The following PLAAT1 variants were observed in gnomAD, a reference collection of about 807,000 sequenced individuals.
PLAAT1 encodes the protein phospholipase A and acyltransferase 1, also known as H-REV107 protein-related protein.
Under a neutral mutation model 16.4 loss-of-function variants are expected in PLAAT1, and 13 were observed. The observed-to-expected ratio is 0.79, with a 90% CI of 0.52 to 1.26. The LOEUF is 1.26. Among genes scored for constraint, PLAAT1 ranks in the 50% most tolerant of loss-of-function variants. The probability of loss-of-function intolerance (pLI) is 0.00; values close to 1 mark genes in which losing one functional copy is unlikely to be tolerated. For missense variants in PLAAT1, 218 were observed against 207.8 expected, an observed-to-expected ratio of 1.05 and a Z score of -0.30; for synonymous variants, 73 against 78.4, an observed-to-expected ratio of 0.93 and a Z score of 0.36.
chr3:193,279,350 A>T, downstream of PLAAT1: 1 of 1,597,820 alleles, frequency 6.3e-7, no homozygotes, highest in Non-Finnish European at 8.6e-7. Flanking sequence ...CAGATGTGCA[A>T]ATGAATGCCA....
chr3:193,276,706 T>C, intron 2 of PLAAT1: 4 of 1,403,730 alleles, frequency 2.8e-6, no homozygotes, highest in Non-Finnish European at 4.0e-6. Context: ...AATGAGATCC[T>C]TAATTTGTTT....
intron 3 of PLAAT1, among the ~76,000 whole-genome samples, chr3:193,264,622 G>A (rs1716714007): frequency 6.6e-6 from 1 of 151,920 alleles, no homozygotes; most frequent in Admixed American, 6.6e-5. Flanking sequence ...TCCTGCTTCA[G>A]CCTCCCAAGT....
intron 1 of PLAAT1, among the ~76,000 whole-genome samples, chr3:193,249,293 GA>G (rs1716103641): frequency 6.6e-6 from 1 of 151,506 alleles, no homozygotes; most frequent in South Asian, 2.1e-4. Flanking sequence ...GTTTGCCTTG[GA>G]TTCATCCTGT....
chr3:193,242,404 A>G (rs140122534), intron 1 of PLAAT1, among the ~76,000 whole-genome samples: 3,718 of 152,066 alleles, frequency 0.024, 125 homozygotes, highest in Middle Eastern at 0.068. Context: ...TGGAGGAGAG[A>G]GGGGGAGAAG....
chr3:193,251,680 T>G (rs1014713816), intron 1 of PLAAT1, among the ~76,000 whole-genome samples: 2 of 152,200 alleles, frequency 1.3e-5, no homozygotes, highest in African/African-American at 4.8e-5. Flanking sequence ...TTGGGTTCCC[T>G]TCCTGATTAT....
rs757824429 is a variant in PLAAT1, at chr3:193,255,772, T to G, written c.122T>G (p.Ile41Ser). Residue 41 changes from isoleucine to serine, a missense_variant, in exon 2 of 4, where the codon ATC becomes AGC. Transcript: ENST00000264735. ...WALYLGDGYVINIAPVDGIPA... is the reference protein window; with the variant it reads ...WALYLGDGYVSNIAPVDGIPA... ...CTGTACTTGGGTGATGGTTACGTTA[T>G]CAACATAGCACCTGTAGGTGAGGTT... 2 of 1,608,990 alleles carry G rather than the reference T, an allele frequency of 1.2e-6. No homozygotes were observed. The highest frequency in any genetic ancestry group is 1.7e-6 in the Non-Finnish European group (2 of 1,177,088).
chr3:193,245,865 A>G (rs1715963931), intron 1 of PLAAT1, among the ~76,000 whole-genome samples: 1 of 152,208 alleles, frequency 6.6e-6, no homozygotes, highest in Non-Finnish European at 1.5e-5. Flanking sequence ...ATACTTTGCC[A>G]AGTTTTTAAT....
In PLAAT1 at chr3:193,241,351, C is replaced by G; in HGVS notation, c.-183C>G. ...TTCAGCGTGGCGGCGCTGGTGCTGG[C>G]GTTGGCCCTGGAGGACGGCCCCGAG... On this transcript the variant is annotated 5_prime_UTR_variant, in exon 1 of 4. Transcript: ENST00000264735. 1.6e-6 allele frequency: 2 copies of G among 1,231,566 alleles called. No homozygotes were observed. Among genetic ancestry groups the G allele is most frequent in the Non-Finnish European group, 1.0e-6 (1 of 987,872 alleles). 76.3% of individuals were successfully genotyped at this position (1,231,566 alleles called of 1,614,324 possible). A position where few individuals can be genotyped will look rare whatever the true frequency, so the allele number is the denominator to read the frequency against.
chr3:193,246,084 C>A (rs1715972785), intron 1 of PLAAT1, among the ~76,000 whole-genome samples: 2 of 152,152 alleles, frequency 1.3e-5, no homozygotes, highest in African/African-American at 4.8e-5. Flanking sequence ...GCTAGGACTT[C>A]CAGACTATGT....
chr3:193,258,360 A>G (rs9881680), intron 2 of PLAAT1, among the ~76,000 whole-genome samples: 61,203 of 151,930 alleles, frequency 0.4, 13,409 homozygotes, highest in Non-Finnish European at 0.48. Flanking sequence ...GAACTAGGAA[A>G]AAAAGAACAG....
intron 2 of PLAAT1, among the ~76,000 whole-genome samples, chr3:193,277,368 G>T (rs1411131037): frequency 1.3e-5 from 2 of 152,026 alleles, no homozygotes; most frequent in Admixed American, 6.6e-5. Context: ...AAATTTAAGG[G>T]TACACATTAA....
chr3:193,265,575 T>C (rs1421491199), intron 3 of PLAAT1, among the ~76,000 whole-genome samples: 1 of 151,896 alleles, frequency 6.6e-6, no homozygotes, highest in Non-Finnish European at 1.5e-5. Context: ...CACAAGTCTA[T>C]GAATATACTA....
Position 193,276,886 on chromosome 3 carries a change from G to C in PLAAT1, c.*60-750G>C. On this transcript the variant is annotated intron_variant and NMD_transcript_variant, in intron 2 of 2. Coordinates refer to the PLAAT1 transcript ENST00000416012. ...TTGCACACTTCACACTTTGAAAAAA[G>C]ACCATATTAATTATTTAATTTATAG... 3 of 1,221,982 alleles carry C rather than the reference G, an allele frequency of 2.5e-6. No homozygotes were observed. In the Admixed American group the frequency reaches 6.2e-5, roughly 25 times the overall value. 75.7% of individuals were successfully genotyped at this position (1,221,982 alleles called of 1,614,324 possible).
At chr3:193,269,005 A>G (rs1462168589) in intron 3 of PLAAT1, among the ~76,000 whole-genome samples, 4 of 151,658 alleles carry the variant, frequency 2.6e-5, no homozygotes, top group Admixed American at 6.6e-5. Flanking sequence ...ATTTCTCTCT[A>G]TTAGACCTTC....
Position 193,241,449 on chromosome 3 carries a change from G to C in PLAAT1, c.-85G>C. 2.4e-6 allele frequency: 3 copies of C among 1,231,876 alleles called. No individual in the cohort carries two copies. The highest frequency in any genetic ancestry group is 3.0e-6 in the Non-Finnish European group (3 of 988,086). The allele number at this position is 1,231,876 out of a possible 1,614,324, so 76.3% of individuals were successfully genotyped here. ...TCGTCCCGCGGCCGCCGGCGGCAAG[G>C]TCGGCAGCTGCGAGGCCAAGAGAGA... On this transcript the variant is annotated 5_prime_UTR_variant, in exon 1 of 4. Transcript: ENST00000264735.
chr3:193,255,210 T>A (rs183325687), intron 1 of PLAAT1, among the ~76,000 whole-genome samples: 2 of 152,228 alleles, frequency 1.3e-5, no homozygotes, highest in African/African-American at 4.8e-5. Flanking sequence ...AGTATAGTCA[T>A]AGACTGAACA....
chr3:193,256,626 G>A (rs1716386849), intron 2 of PLAAT1, among the ~76,000 whole-genome samples: 1 of 152,204 alleles, frequency 6.6e-6, no homozygotes, highest in Non-Finnish European at 1.5e-5. Flanking sequence ...CAAAGGTTAA[G>A]TGATAACGAT....
At chr3:193,248,303 A>G (rs934178536) in intron 1 of PLAAT1, among the ~76,000 whole-genome samples, 5 of 152,010 alleles carry the variant, frequency 3.3e-5, no homozygotes, top group Admixed American at 6.5e-5. Context: ...CTTAAAGGTT[A>G]AGAGAGGTGA....
At chr3:193,242,573 A>G (rs1375529755) in intron 1 of PLAAT1, among the ~76,000 whole-genome samples, 1 of 152,206 alleles carries the variant, frequency 6.6e-6, no homozygotes, top group East Asian at 1.9e-4. Flanking sequence ...ATTAATAAGG[A>G]TGCCAGGATT....
Sources: allele counts gnomAD v4.1 joint callset (sites outside exome capture counted in the v4.1 genomes callset), GRCh38; gene constraint gnomAD v4.1.1; transcripts MANE v1.5; gene names NCBI Gene and HGNC (gene_info 2026-07-23, HGNC 2026-07-21).